Variants in SYNPR observed in about 807,000 individuals in gnomAD.
The protein encoded by SYNPR is synaptoporin.
Under a neutral mutation model 32.9 loss-of-function variants are expected in SYNPR, and 23 were observed. That is an observed-to-expected ratio of 0.70 (90% CI 0.50 to 0.99). SYNPR has a LOEUF of 0.99. Ranked by LOEUF, SYNPR falls within the 50% of genes least tolerant of loss-of-function variation. The pLI, the probability that SYNPR is intolerant of heterozygous loss-of-function variation, is 0.00. For synonymous variants in SYNPR, 146 were observed against 135.9 expected (o/e 1.07, Z -0.52); for missense variants, 318 against 349.3 (o/e 0.91, Z 0.71).
intron 2 of SYNPR, among the ~76,000 whole-genome samples, chr3:63,343,927 A>G (rs1468574988): frequency 6.6e-6 from 1 of 152,252 alleles, no homozygotes; most frequent in Non-Finnish European, 1.5e-5. Context: ...TATGCCGGAA[A>G]CGGCTTGAGC....
At chr3:63,441,152 G>T (rs2107159507) in intron 2 of SYNPR, among the ~76,000 whole-genome samples, 1 of 152,192 alleles carries the variant, frequency 6.6e-6, no homozygotes, top group South Asian at 2.1e-4. Flanking sequence ...TTTGGGTCTT[G>T]GTTTTTTCAC....
chr3:63,575,935 G>T (rs1224591424), intron 4 of SYNPR, among the ~76,000 whole-genome samples: 1 of 152,036 alleles, frequency 6.6e-6, no homozygotes, highest in Non-Finnish European at 1.5e-5. Flanking sequence ...AATCTTTAAT[G>T]CAGTTATTGT....
chr3:63,530,609 C>T (rs1386381189), intron 3 of SYNPR, among the ~76,000 whole-genome samples: 1 of 152,274 alleles, frequency 6.6e-6, no homozygotes, highest in South Asian at 2.1e-4. Flanking sequence ...AGGGGTGCTT[C>T]TCAAGTTTTC....
chr3:63,245,002 A>G (rs1465644186), intron 1 of SYNPR, among the ~76,000 whole-genome samples: 1 of 152,154 alleles, frequency 6.6e-6, no homozygotes, highest in Non-Finnish European at 1.5e-5. Context: ...AGGAAAAGAC[A>G]TTAGGATACA....
chr3:63,571,508 A>C (rs1402326335), intron 4 of SYNPR, among the ~76,000 whole-genome samples: 1 of 152,162 alleles, frequency 6.6e-6, no homozygotes, highest in African/African-American at 2.4e-5. Context: ...TCCGAAAACT[A>C]GAGATTTACT....
intron 2 of SYNPR, among the ~76,000 whole-genome samples, chr3:63,308,633 C>T (rs2086931321): frequency 1.3e-5 from 2 of 151,926 alleles, no homozygotes; most frequent in South Asian, 2.1e-4. Context: ...AAAGATGTTG[C>T]TCCACTGTCT....
chr3:63,381,776 A>T, intron 2 of SYNPR, among the ~76,000 whole-genome samples: 1 of 150,862 alleles, frequency 6.6e-6, no homozygotes. Flanking sequence ...TGTTTCTCTG[A>T]CTCCCTCTGT....
At chr3:63,608,102 A>C (rs1174984083) in intron 4 of SYNPR, among the ~76,000 whole-genome samples, 1 of 152,068 alleles carries the variant, frequency 6.6e-6, no homozygotes, top group African/African-American at 2.4e-5. Context: ...ATATATAGTC[A>C]ATCTGAATTT....
chr3:63,210,822 T>C, the SYNPR span, among the ~76,000 whole-genome samples: 5 of 140,946 alleles, frequency 3.5e-5, no homozygotes, highest in African/African-American at 1.0e-4. Flanking sequence ...CCTTCCTTCC[T>C]TTCCTTCCTC....
intron 2 of SYNPR, among the ~76,000 whole-genome samples, chr3:63,320,720 C>T (rs146179895): frequency 7.2e-5 from 11 of 152,178 alleles, no homozygotes; most frequent in African/African-American, 2.4e-4. Flanking sequence ...TTCGTTTGTA[C>T]ATTTCAGAAA....
chr3:63,579,003 C>A (rs1177133722), intron 4 of SYNPR, among the ~76,000 whole-genome samples: 1 of 152,092 alleles, frequency 6.6e-6, no homozygotes, highest in Non-Finnish European at 1.5e-5. Flanking sequence ...TCCATTAAAT[C>A]CATCTTCTTA....
rs1008819401 is a variant in SYNPR, at chr3:63,556,446, G to A, written c.210-97G>A. The A allele has an allele frequency of 1.4e-5, 16 of 1,112,536 alleles. No individual in the cohort carries two copies. In the East Asian group the frequency reaches 1.6e-4, roughly 11 times the overall value. 68.9% of individuals were successfully genotyped at this position (1,112,536 alleles called of 1,614,324 possible). On this transcript the variant is annotated intron_variant, in intron 3 of 5. Coordinates refer to ENST00000478300, the MANE Select transcript of SYNPR (RefSeq NM_001130003.2). Reference sequence around the variant, plus strand: ...ACATAGGCATGCACTAAAACTCCCAGATCACATCCCATTTTGCTTTAGAAG... The same window carrying A: ...ACATAGGCATGCACTAAAACTCCCAAATCACATCCCATTTTGCTTTAGAAG...
At chr3:63,313,119 C>T (rs528455894) in intron 2 of SYNPR, among the ~76,000 whole-genome samples, 13 of 151,990 alleles carry the variant, frequency 8.6e-5, no homozygotes, top group Non-Finnish European at 1.8e-4. Context: ...CTCACAGAGT[C>T]CCAGATACTG....
At chr3:63,414,015 T>C (rs975523898) in intron 2 of SYNPR, among the ~76,000 whole-genome samples, 1 of 150,048 alleles carries the variant, frequency 6.7e-6, no homozygotes, top group African/African-American at 2.4e-5. Flanking sequence ...TATACATATA[T>C]ATATATATAG....
intron 4 of SYNPR, among the ~76,000 whole-genome samples, chr3:63,592,864 TA>T (rs1412648313): frequency 1.3e-5 from 2 of 152,140 alleles, no homozygotes; most frequent in African/African-American, 2.4e-5. Context: ...GGAGCTGGGC[TA>T]AGCATTTTAT....
chr3:63,343,276 G>C (rs2087391670), intron 2 of SYNPR, among the ~76,000 whole-genome samples: 1 of 152,190 alleles, frequency 6.6e-6, no homozygotes, highest in South Asian at 2.1e-4. Flanking sequence ...ATGGTTTTAA[G>C]CAGGAAAAAT....
At chr3:63,228,894 C>T (rs1215996833) in intron 1 of SYNPR, among the ~76,000 whole-genome samples, 1 of 151,892 alleles carries the variant, frequency 6.6e-6, no homozygotes, top group Non-Finnish European at 1.5e-5. Flanking sequence ...CTATTGATGG[C>T]CGCCATCTTG....
chr3:63,374,999 A>G (rs974043442), intron 2 of SYNPR, among the ~76,000 whole-genome samples: 5 of 152,108 alleles, frequency 3.3e-5, no homozygotes, highest in East Asian at 1.9e-4. Context: ...CATCAGAGAA[A>G]TGCAAATCAA....
At position 63,272,419 on chromosome 3, in the gene SYNPR, T is replaced by C. The variant is rs115562825; in HGVS notation, n.287+4970T>C. ...TAGACTGTTTCCTTGGGATGAAGAC[T>C]AGGCAAGATGCCTCCATTCTTTGGG... is the stretch of plus-strand genomic sequence containing the variant. On this transcript the variant is annotated intron_variant and non_coding_transcript_variant, in intron 3 of 4. Transcript: ENST00000478456. Among the ~76,000 whole-genome samples the C allele has an allele frequency of 7.3e-3, 1,110 of 152,182 alleles. 12 individuals carry two copies. Among genetic ancestry groups the C allele is most frequent in the African/African-American group, 0.025 (1,048 of 41,536 alleles).
Sources: gnomAD v4.1 joint callset for allele counts (sites outside exome capture counted in the v4.1 genomes callset) on GRCh38, gnomAD v4.1.1 for gene constraint, MANE v1.5 for transcripts, NCBI Gene and HGNC (gene_info 2026-07-23, HGNC 2026-07-21) for gene names.